The following SURF4 variants were observed in gnomAD, a reference collection of about 807,000 sequenced individuals.
The protein encoded by SURF4 is surfeit locus protein 4.
In SURF4, 3 loss-of-function variants were observed where a neutral mutation model predicts 30.0. The observed-to-expected ratio is 0.10, with a 90% CI of 0.05 to 0.26. SURF4 has a LOEUF of 0.26. SURF4 is among the 10% of genes least tolerant of loss of function. SURF4 has a pLI of 1.00. For synonymous variants in SURF4, 143 were observed against 139.9 expected (o/e 1.02, Z -0.16); for missense variants, 217 against 350.8 (o/e 0.62, Z 3.05).
chr9:133,376,920 C>T (rs956420916), upstream of SURF4, among the ~76,000 whole-genome samples: 1 of 152,106 alleles, frequency 6.6e-6, no homozygotes, highest in African/African-American at 2.4e-5. Context: ...CCTAAAAACA[C>T]CCCTGCAGCG....
At chr9:133,375,173 C>A in intron 1 of SURF4, 1 of 972,138 alleles carries the variant, frequency 1.0e-6, no homozygotes, top group Non-Finnish European at 1.2e-6. Context: ...CCACCCAGTT[C>A]CCGAATGCTC....
chr9:133,377,555 C>T (rs2130254735), upstream of SURF4, among the ~76,000 whole-genome samples: 5 of 152,206 alleles, frequency 3.3e-5, no homozygotes, highest in African/African-American at 7.2e-5. Flanking sequence ...CACAGCTACT[C>T]GGGAGGCTGA....
chr9:133,372,597 T>C (rs1438816505), intron 1 of SURF4: 1 of 985,350 alleles, frequency 1.0e-6, no homozygotes, highest in Non-Finnish European at 1.2e-6. Context: ...TAGGTCTTGC[T>C]TTCAGCAGCC....
chr9:133,375,204 T>G (rs1188245955), intron 1 of SURF4: 1 of 985,446 alleles, frequency 1.0e-6, no homozygotes, highest in African/African-American at 1.7e-5. Context: ...CCCAACCGCC[T>G]GTTTCAAAGG....
intron 1 of SURF4, among the ~76,000 whole-genome samples, chr9:133,368,563 T>C (rs2130160795): frequency 1.8e-4 from 27 of 152,228 alleles, no homozygotes; most frequent in African/African-American, 6.3e-4. Flanking sequence ...TAAAACACAC[T>C]AACAAATGGG....
chr9:133,368,715 C>G (rs2130162663), intron 1 of SURF4, among the ~76,000 whole-genome samples: 1 of 152,350 alleles, frequency 6.6e-6, no homozygotes, highest in South Asian at 2.1e-4. Context: ...CCAACATGCA[C>G]TATCGGATGC....
intron 1 of SURF4, among the ~76,000 whole-genome samples, chr9:133,368,487 A>G (rs1837311260): frequency 6.6e-6 from 1 of 152,254 alleles, no homozygotes; most frequent in African/African-American, 2.4e-5. Flanking sequence ...CGCAGCATGA[A>G]GCTGGTACCG....
intron 3 of SURF4, 121 bp downstream of exon 3, chr9:133,366,478 G>T: frequency 2.7e-6 from 3 of 1,096,006 alleles, no homozygotes; most frequent in Non-Finnish European, 4.0e-6. Context: ...GGAGCTCCAG[G>T]CAGTCAGAGA....
chr9:133,367,484 G>A (rs2130143433), intron 1 of SURF4, 39 bp from the exon 2 acceptor site: 2 of 1,608,462 alleles, frequency 1.2e-6, no homozygotes, highest in Non-Finnish European at 1.7e-6. Flanking sequence ...GGTGGCTGCG[G>A]CGGGGAGCAC....
At chr9:133,364,043 C>T (rs1588705606) in intron 5 of SURF4, among the ~76,000 whole-genome samples, 1 of 152,134 alleles carries the variant, frequency 6.6e-6, no homozygotes, top group African/African-American at 2.4e-5. Flanking sequence ...AACTAAATTC[C>T]CAAGTGCTTC....
chr9:133,369,197 C>G (rs1189686936), intron 1 of SURF4, among the ~76,000 whole-genome samples: 1 of 152,178 alleles, frequency 6.6e-6, no homozygotes, highest in Non-Finnish European at 1.5e-5. Flanking sequence ...TCCCCAAACC[C>G]ACTGCGCCCT....
At chr9:133,377,412 C>T (rs1838008134), upstream of SURF4, among the ~76,000 whole-genome samples, 1 of 152,198 alleles carries the variant, frequency 6.6e-6, no homozygotes, top group African/African-American at 2.4e-5. Context: ...CGCCTGTAAT[C>T]CCCAACACTT....
intron 3 of SURF4, 43 bp downstream of exon 3, chr9:133,366,556 C>T (rs2130127194): frequency 6.3e-7 from 1 of 1,585,520 alleles, no homozygotes; most frequent in East Asian, 2.2e-5. Flanking sequence ...CTCTGCTCCA[C>T]CAGAGCAAAG....
rs2130091721 is a variant in SURF4 at position 133,363,752 on chromosome 9, T to A, written c.551A>T (p.Gln184Leu). Reference sequence around the variant, plus strand: ...CATCAGAGCTGTGCCCACGATGTTCTGGACAATCTGCATAGGTTGAAACGT... The same window carrying A: ...CATCAGAGCTGTGCCCACGATGTTCAGGACAATCTGCATAGGTTGAAACGT... ...HFDASFFSIVQNIVGTALMIL... is the reference protein window; with the variant it reads ...HFDASFFSIVLNIVGTALMIL... Residue 184 changes from glutamine to leucine, a missense_variant, in exon 6 of 6, where the codon CAG (glutamine) becomes CTG (leucine). Transcript: ENST00000371989. This position sits in a 1 kb window ranked among gnomAD's most constrained non-coding sequence, Gnocchi z 4.3. 2 of 1,614,108 alleles carry A rather than the reference T, an allele frequency of 1.2e-6. No individual in the cohort carries two copies. The highest frequency in any genetic ancestry group is 1.7e-6 in the Non-Finnish European group (2 of 1,179,988).
In SURF4 at chr9:133,365,957, A is replaced by G. The variant is rs2130121921; in HGVS notation, c.356+28T>C. Reference sequence around the variant, plus strand: ...AATGCTCAACCTGTAGAAGGAGCGTATACTAAAACCAACCAGAATGCACAT... The same window carrying G: ...AATGCTCAACCTGTAGAAGGAGCGTGTACTAAAACCAACCAGAATGCACAT... On this transcript the variant is annotated intron_variant, in intron 4 of 5. Transcript: ENST00000371989. 5 of 1,611,330 alleles carry G rather than the reference A, an allele frequency of 3.1e-6. No individual in the cohort carries two copies. In the African/African-American group the frequency reaches 6.7e-5, roughly 22 times the overall value.
intron 1 of SURF4, chr9:133,375,270 G>C: frequency 1.0e-6 from 1 of 985,516 alleles, no homozygotes; most frequent in Non-Finnish European, 1.2e-6. Flanking sequence ...CTATCAGGGA[G>C]ATAGGCTTCC....
chr9:133,375,831 G>A, intron 1 of SURF4, 91 bp downstream of exon 1: 3 of 1,179,364 alleles, frequency 2.5e-6, no homozygotes, highest in East Asian at 3.4e-5. Context: ...GGCGGCCCGG[G>A]CCTGGCGCCC....
At chr9:133,372,211 G>C (rs140978600) in intron 1 of SURF4, among the ~76,000 whole-genome samples, 2 of 152,350 alleles carry the variant, frequency 1.3e-5, no homozygotes, top group East Asian at 3.9e-4. Flanking sequence ...ACTGTCCCTG[G>C]CTGCCAGAGC....
chr9:133,363,453 G>A lies in SURF4; in HGVS notation c.*40C>T, dbSNP rs2130086488. On this transcript the variant is annotated 3_prime_UTR_variant, in exon 6 of 6. Transcript: ENST00000371989. The surrounding 1 kb of genome is among the most constrained non-coding windows in gnomAD (Gnocchi z 4.3). ...AATCCACCCCGAACCAGTCCTTGACGGCCACGGGTCTTAGCCAGGCAGGTA... is the reference window on the plus strand; with the variant it reads ...AATCCACCCCGAACCAGTCCTTGACAGCCACGGGTCTTAGCCAGGCAGGTA... 9 of 1,614,180 alleles carry A rather than the reference G, an allele frequency of 5.6e-6. No homozygotes were observed. The highest frequency in any genetic ancestry group is 1.7e-5 in the Admixed American group (1 of 60,024).
Sources: allele counts gnomAD v4.1 joint callset (sites outside exome capture counted in the v4.1 genomes callset), GRCh38; gene constraint gnomAD v4.1.1; non-coding constraint Gnocchi (gnomAD v3.1); transcripts MANE v1.5; gene names NCBI Gene and HGNC (gene_info 2026-07-23, HGNC 2026-07-21).